Variants in PTPRN2 observed in about 807,000 individuals in gnomAD.
PTPRN2 encodes the protein protein tyrosine phosphatase receptor type N2, also known as receptor-type tyrosine-protein phosphatase N2.
A neutral mutation model predicts 118.8 loss-of-function variants in PTPRN2; 74 were observed. The observed-to-expected ratio is 0.62, with a 90% CI of 0.52 to 0.76. The LOEUF is 0.76. Ranked by LOEUF, PTPRN2 falls within the 30% of genes least tolerant of loss-of-function variation. The probability of loss-of-function intolerance (pLI) is 0.00; values close to 1 mark genes in which losing one functional copy is unlikely to be tolerated. For missense variants in PTPRN2, 1,481 were observed against 1,394.4 expected (o/e 1.06, Z -0.99); for synonymous variants, 641 against 608.0 (o/e 1.05, Z -0.80).
chr7:157,740,893 C>A (rs918012707), intron 12 of PTPRN2, among the ~76,000 whole-genome samples: 1 of 152,176 alleles, frequency 6.6e-6, no homozygotes, highest in Non-Finnish European at 1.5e-5. Context: ...TTGAAAGTTC[C>A]CATTAGCCTG....
chr7:157,905,539 G>A (rs192576779), intron 11 of PTPRN2, among the ~76,000 whole-genome samples: 12 of 152,196 alleles, frequency 7.9e-5, no homozygotes, highest in East Asian at 5.8e-4. Context: ...CTGAAGAAGC[G>A]GAACCCTATA....
intron 12 of PTPRN2, among the ~76,000 whole-genome samples, chr7:157,838,298 G>T (rs555180430): frequency 6.7e-6 from 1 of 149,388 alleles, no homozygotes; most frequent in Non-Finnish European, 1.5e-5. Flanking sequence ...CTCTCGTAGT[G>T]GATGGCATGG....
intron 1 of PTPRN2, among the ~76,000 whole-genome samples, chr7:158,527,666 G>A (rs552199884): frequency 3.6e-4 from 55 of 152,300 alleles, no homozygotes; most frequent in African/African-American, 1.2e-3. Context: ...GCAGGGCTCC[G>A]AGGTGTGGGC....
At chr7:158,079,480 A>G (rs1166893231) in intron 11 of PTPRN2, among the ~76,000 whole-genome samples, 1 of 152,232 alleles carries the variant, frequency 6.6e-6, no homozygotes, top group Non-Finnish European at 1.5e-5. Context: ...CCATAAAATA[A>G]ATCAAAGGTC....
intron 12 of PTPRN2, among the ~76,000 whole-genome samples, chr7:157,860,513 A>G (rs1049955169): frequency 5.3e-5 from 8 of 152,222 alleles, no homozygotes; most frequent in East Asian, 3.8e-4. Flanking sequence ...ATGAATTTTC[A>G]TCTTTGTTCT....
intron 14 of PTPRN2, among the ~76,000 whole-genome samples, chr7:157,646,495 CTCTTT>C (rs1296284581): frequency 6.6e-6 from 1 of 152,170 alleles, no homozygotes; most frequent in African/African-American, 2.4e-5. Context: ...CCAATTCAAC[CTCTTT>C]TCTTTATGAA....
intron 13 of PTPRN2, among the ~76,000 whole-genome samples, chr7:157,663,028 A>T (rs1309801102): frequency 2.0e-5 from 3 of 152,018 alleles, no homozygotes; most frequent in Non-Finnish European, 4.4e-5. Context: ...GGACCAACTG[A>T]AGAGTGTCCT....
chr7:157,973,684 C>T (rs1236315205), intron 11 of PTPRN2, among the ~76,000 whole-genome samples: 1 of 152,026 alleles, frequency 6.6e-6, no homozygotes, highest in East Asian at 1.9e-4. Context: ...AGGTAATGGC[C>T]AAGATATAAG....
intron 11 of PTPRN2, among the ~76,000 whole-genome samples, chr7:157,994,722 G>A (rs1374426069): frequency 7.9e-4 from 29 of 36,572 alleles, no homozygotes; most frequent in African/African-American, 5.2e-3. Flanking sequence ...AATCAACGCC[G>A]TGTCCCCAGC....
chr7:158,345,904 C>T (rs1359783112), intron 2 of PTPRN2, among the ~76,000 whole-genome samples: 1 of 152,010 alleles, frequency 6.6e-6, no homozygotes, highest in Non-Finnish European at 1.5e-5. Flanking sequence ...ACTTTTAAAC[C>T]ATCAGCTCTC....
chr7:158,583,380 A>C (rs1828736158), intron 1 of PTPRN2, among the ~76,000 whole-genome samples: 1 of 152,042 alleles, frequency 6.6e-6, no homozygotes, highest in Non-Finnish European at 1.5e-5. Context: ...GTTTCATAGC[A>C]CACAGAGATT....
At chr7:157,607,450 C>T (rs112585406) in intron 15 of PTPRN2, among the ~76,000 whole-genome samples, 8 of 152,348 alleles carry the variant, frequency 5.3e-5, no homozygotes, top group South Asian at 4.1e-4. Flanking sequence ...CCAGCAACTG[C>T]GGACCGTTCT....
chr7:158,340,286 C>A (rs1410036117), intron 2 of PTPRN2, among the ~76,000 whole-genome samples: 2 of 96,644 alleles, frequency 2.1e-5, no homozygotes, highest in African/African-American at 7.3e-5. Context: ...CACTCACACC[C>A]ACATTCTCAC....
At chr7:158,131,047 C>CTT in intron 9 of PTPRN2, among the ~76,000 whole-genome samples, 1 of 66,986 alleles carries the variant, frequency 1.5e-5, no homozygotes. Context: ...CACACACGTA[C>CTT]ATACAGACAC....
intron 2 of PTPRN2, among the ~76,000 whole-genome samples, chr7:158,328,451 GGCA>G: frequency 6.6e-6 from 1 of 152,372 alleles, no homozygotes; most frequent in Non-Finnish European, 1.5e-5. Context: ...GCCACTGACA[GGCA>G]GCAGAAGGCA....
At chr7:157,997,540 G>C (rs1370443909) in intron 11 of PTPRN2, among the ~76,000 whole-genome samples, 1 of 152,216 alleles carries the variant, frequency 6.6e-6, no homozygotes, top group Non-Finnish European at 1.5e-5. Flanking sequence ...ACTCAAGAGG[G>C]AAGGACCAGG....
intron 11 of PTPRN2, among the ~76,000 whole-genome samples, chr7:158,067,878 G>A (rs892258825): frequency 3.9e-5 from 6 of 152,196 alleles, no homozygotes; most frequent in African/African-American, 1.4e-4. Context: ...GCCGGGCCAT[G>A]GGCAGCACAC....
chr7:158,545,079 C>G (rs570605450), intron 1 of PTPRN2, among the ~76,000 whole-genome samples: 3 of 152,028 alleles, frequency 2.0e-5, no homozygotes, highest in Non-Finnish European at 4.4e-5. Flanking sequence ...GGCACCTGCT[C>G]GGACACACCT....
intron 2 of PTPRN2, among the ~76,000 whole-genome samples, chr7:158,428,294 G>A (rs1284704307): frequency 1.3e-5 from 2 of 152,220 alleles, no homozygotes; most frequent in African/African-American, 2.4e-5. Flanking sequence ...GACGTGACTC[G>A]CAGCGCATCC....
Sources: gnomAD v4.1 joint callset for allele counts (sites outside exome capture counted in the v4.1 genomes callset) on GRCh38, gnomAD v4.1.1 for gene constraint, MANE v1.5 for transcripts, NCBI Gene and HGNC (gene_info 2026-07-23, HGNC 2026-07-21) for gene names.